The following MARCHF1 variants were observed in gnomAD, a reference collection of about 807,000 sequenced individuals.
MARCHF1 encodes membrane associated ring-CH-type finger 1.
A neutral mutation model predicts 54.2 loss-of-function variants in MARCHF1; 40 were observed. The ratio of observed to expected loss-of-function variants is 0.74; its 90% CI spans 0.57 to 0.96. The LOEUF (loss-of-function observed/expected upper bound fraction) is 0.96, where lower values mean the gene tolerates loss of function less well. MARCHF1 is among the 40% of genes least tolerant of loss of function. The pLI is 0.00. For synonymous variants in MARCHF1, 236 were observed against 236.3 expected (o/e 1.00, Z 0.01); for missense variants, 586 against 656.5 (o/e 0.89, Z 1.17).
At chr4:164,306,206 T>TA (rs1464576499) in intron 1 of MARCHF1, among the ~76,000 whole-genome samples, 5 of 152,186 alleles carry the variant, frequency 3.3e-5, no homozygotes, top group African/African-American at 1.2e-4. Flanking sequence ...TTCACAGATT[T>TA]GTTCACCTTT....
intron 1 of MARCHF1, among the ~76,000 whole-genome samples, chr4:164,350,133 GA>G (rs1182184059): frequency 6.6e-6 from 1 of 152,104 alleles, no homozygotes; most frequent in African/African-American, 2.4e-5. Context: ...AATAATCCAA[GA>G]AAAGAAAAAG....
intron 2 of MARCHF1, among the ~76,000 whole-genome samples, chr4:164,053,272 C>G (rs75626788): frequency 6.6e-6 from 1 of 151,946 alleles, no homozygotes; most frequent in African/African-American, 2.4e-5. Flanking sequence ...CCATTTCTCA[C>G]GGTTTTAAAC....
chr4:163,684,284 G>A (rs1440314350), intron 5 of MARCHF1, among the ~76,000 whole-genome samples: 1 of 152,150 alleles, frequency 6.6e-6, no homozygotes, highest in Non-Finnish European at 1.5e-5. Context: ...GGTGTAGCAA[G>A]TAAAAGGAGC....
chr4:163,970,789 A>C (rs896911739), intron 3 of MARCHF1, among the ~76,000 whole-genome samples: 10 of 152,328 alleles, frequency 6.6e-5, no homozygotes, highest in African/African-American at 2.4e-4. Flanking sequence ...ATCTCAACAA[A>C]TTTTGATTTT....
In MARCHF1 at chr4:164,370,179, C is replaced by A. The variant is rs1730996980; in HGVS notation, c.-323+13691G>T. On this transcript the variant is annotated intron_variant, in intron 1 of 9. Coordinates refer to ENST00000514618, the MANE Select transcript of MARCHF1 (RefSeq NM_001394959.1). The stretch of plus-strand genomic sequence containing the variant: ...TAAACCTAATGCCTTCCAATCTCAA[C>A]AGAGTGTATGTCAGAAGCCCTGGAA... 3.3e-5 allele frequency among the ~76,000 whole-genome samples: 5 copies of A among 152,130 alleles called. No homozygotes were observed. The South Asian group carries it at 1.0e-3, about 31-fold the overall frequency.
intron 3 of MARCHF1, among the ~76,000 whole-genome samples, chr4:163,926,319 T>C (rs894264374): frequency 2.0e-5 from 3 of 151,720 alleles, no homozygotes; most frequent in African/African-American, 7.2e-5. Flanking sequence ...ATTTTTGCAG[T>C]CAGTTGGAGT....
chr4:163,740,121 G>A (rs1283814182), intron 4 of MARCHF1, among the ~76,000 whole-genome samples: 1 of 152,138 alleles, frequency 6.6e-6, no homozygotes, highest in Non-Finnish European at 1.5e-5. Context: ...CCAGCTGAGA[G>A]AGCAGAGTTT....
chr4:164,244,752 G>T (rs965027580), intron 1 of MARCHF1, among the ~76,000 whole-genome samples: 15 of 152,016 alleles, frequency 9.9e-5, no homozygotes, highest in Non-Finnish European at 2.1e-4. Context: ...TCAAATAGAT[G>T]CAATAAAAAA....
chr4:164,002,299 G>C (rs1406522057), intron 2 of MARCHF1, among the ~76,000 whole-genome samples: 1 of 151,396 alleles, frequency 6.6e-6, no homozygotes, highest in Non-Finnish European at 1.5e-5. Flanking sequence ...TAAGTTAGCA[G>C]ACAAGCAGTT....
intron 1 of MARCHF1, among the ~76,000 whole-genome samples, chr4:164,358,111 A>T (rs1483255579): frequency 6.6e-6 from 1 of 152,194 alleles, no homozygotes. Context: ...TAGAGCTTAC[A>T]TTAATCAGTC....
chr4:163,730,914 C>CT (rs1745809810), intron 4 of MARCHF1, among the ~76,000 whole-genome samples: 1 of 152,168 alleles, frequency 6.6e-6, no homozygotes, highest in African/African-American at 2.4e-5. Flanking sequence ...ACTAACCATT[C>CT]TAACAGTCTT....
chr4:163,548,189 T>C (rs535672769), intron 8 of MARCHF1, among the ~76,000 whole-genome samples: 1 of 152,354 alleles, frequency 6.6e-6, no homozygotes, highest in Non-Finnish European at 1.5e-5. Flanking sequence ...AATAGCATTT[T>C]GCAATTTAAT....
chr4:163,587,378 CAGT>C lies in MARCHF1; in HGVS notation c.1011-1452_1011-1450del, dbSNP rs371388135. 1.6e-3 allele frequency among the ~76,000 whole-genome samples: 250 copies of C among 152,252 alleles called. 1 individual carries two copies. Among genetic ancestry groups the C allele is most frequent in the African/African-American group, 5.6e-3 (231 of 41,550 alleles). ...ACATAGAACCAATCCAGATGCCCAT[CAGT>C]GGTGGACTGCATAAAGAAAATGTGG... On this transcript the variant is annotated intron_variant, in intron 7 of 9. Transcript: ENST00000514618.
intron 8 of MARCHF1, among the ~76,000 whole-genome samples, chr4:163,573,536 C>A (rs2110766776): frequency 7.0e-6 from 1 of 142,104 alleles, no homozygotes; most frequent in South Asian, 2.2e-4. Context: ...TTGTTCAGTT[C>A]CCACCTATGA....
intron 2 of MARCHF1, among the ~76,000 whole-genome samples, chr4:164,006,992 A>AG (rs1753303436): frequency 7.9e-4 from 2 of 2,522 alleles, no homozygotes; most frequent in African/African-American, 1.7e-3. Flanking sequence ...TGAAATCTGA[A>AG]AAAAAAAAAA....
At chr4:164,228,734 C>G (rs1365857200) in intron 1 of MARCHF1, among the ~76,000 whole-genome samples, 2 of 152,070 alleles carry the variant, frequency 1.3e-5, no homozygotes, top group African/African-American at 2.4e-5. Context: ...GATTTCTTGA[C>G]AAAGTTTAGC....
intron 1 of MARCHF1, among the ~76,000 whole-genome samples, chr4:164,351,274 C>T (rs1322032319): frequency 6.6e-6 from 1 of 150,424 alleles, no homozygotes; most frequent in African/African-American, 2.4e-5. Flanking sequence ...CTCAAGGAGG[C>T]CTGCCTGCCT....
chr4:163,563,263 TGGTGG>T (rs1739531270), intron 8 of MARCHF1, among the ~76,000 whole-genome samples: 1 of 152,248 alleles, frequency 6.6e-6, no homozygotes, highest in Non-Finnish European at 1.5e-5. Flanking sequence ...AACCTTTCTG[TGGTGG>T]ACATCCTATT....
chr4:164,213,471 A>G (rs1236615075), intron 1 of MARCHF1, among the ~76,000 whole-genome samples: 2 of 151,658 alleles, frequency 1.3e-5, no homozygotes, highest in Admixed American at 1.3e-4. Context: ...TCCTGACCTC[A>G]TGATTCGCCT....
Sources: gnomAD v4.1 joint callset for allele counts (sites outside exome capture counted in the v4.1 genomes callset) on GRCh38, gnomAD v4.1.1 for gene constraint, MANE v1.5 for transcripts, NCBI Gene and HGNC (gene_info 2026-07-23, HGNC 2026-07-21) for gene names.